RASGRP1: variants seen among roughly 807,000 people sequenced by gnomAD.
RASGRP1 encodes RAS guanyl-releasing protein 1.
Under a neutral mutation model 95.1 loss-of-function variants are expected in RASGRP1, and 37 were observed. The observed-to-expected ratio is 0.39, with a 90% CI of 0.30 to 0.51. The LOEUF is 0.51. RASGRP1 is among the 20% of genes least tolerant of loss of function. The probability of loss-of-function intolerance (pLI) is 0.80; values close to 1 mark genes in which losing one functional copy is unlikely to be tolerated. For missense variants in RASGRP1, 711 were observed against 965.4 expected (o/e 0.74, Z 3.49); for synonymous variants, 325 against 353.4 (o/e 0.92, Z 0.90).
intron 1 of RASGRP1, among the ~76,000 whole-genome samples, chr15:38,562,764 T>A (rs999706057): frequency 3.3e-5 from 5 of 152,112 alleles, no homozygotes; most frequent in Admixed American, 6.5e-5. Context: ...AAAATTCCAT[T>A]TTCTTTCTTG....
Position 38,494,695 on chromosome 15 carries a change from G to A in RASGRP1, c.1946C>T (p.Thr649Ile). 1.3e-6 allele frequency: 2 copies of A among 1,528,718 alleles called. No individual in the cohort carries two copies. Among genetic ancestry groups the A allele is most frequent in the South Asian group, 1.3e-5 (1 of 75,512 alleles). The allele number at this position is 1,528,718 out of a possible 1,614,324, so 94.7% of individuals were successfully genotyped here. A position where few individuals can be genotyped will look rare whatever the true frequency, so the allele number is the denominator to read the frequency against. The part of the protein sequence containing the change: ...VEHGEESKDR[T>I]IMLMGVSSQK... The stretch of plus-strand genomic sequence containing the variant: ...TGAGGACACTCCCATCAGCATGATG[G>A]TCCGATCCTTACTCTCCTCACCATG... The change falls in exon 16 of 17, where the codon ACC becomes ATC. Residue 649 changes from threonine (T) to isoleucine (I), a missense_variant. By Grantham distance (89) the Thr-to-Ile change is moderately conservative (BLOSUM62 -1). Transcript: ENST00000310803.
chr15:38,502,584 G>C (rs1891078334), intron 11 of RASGRP1, among the ~76,000 whole-genome samples, 163 bp from the exon 12 acceptor site: 1 of 152,218 alleles, frequency 6.6e-6, no homozygotes, highest in African/African-American at 2.4e-5. Flanking sequence ...GATGTGGCAG[G>C]TCACATCTCA....
intron 3 of RASGRP1, among the ~76,000 whole-genome samples, 170 bp downstream of exon 3, chr15:38,526,129 T>C (rs976252324): frequency 1.3e-5 from 2 of 152,106 alleles, no homozygotes; most frequent in Non-Finnish European, 1.5e-5. Flanking sequence ...CAACAGAGGA[T>C]ACATGAACAC....
intron 1 of RASGRP1, among the ~76,000 whole-genome samples, chr15:38,564,227 T>G (rs1209990457): frequency 9.2e-5 from 14 of 152,016 alleles, no homozygotes; most frequent in Admixed American, 9.2e-4. Context: ...CCCCAGCAGG[T>G]GCGGGCAGCG....
At chr15:38,543,648 C>A (rs868224052) in intron 2 of RASGRP1, among the ~76,000 whole-genome samples, 1 of 49,510 alleles carries the variant, frequency 2.0e-5, no homozygotes, top group African/African-American at 5.2e-5. Flanking sequence ...TTCTTTTTTT[C>A]TTTTTTTTTT....
chr15:38,550,194 G>T (rs185051421), intron 2 of RASGRP1, among the ~76,000 whole-genome samples: 43 of 143,038 alleles, frequency 3.0e-4, no homozygotes, highest in African/African-American at 1.1e-3. Context: ...AGGTTGCAGT[G>T]AGCCCAGATC....
chr15:38,525,147 T>A (rs556422368), intron 3 of RASGRP1, among the ~76,000 whole-genome samples: 41 of 152,034 alleles, frequency 2.7e-4, no homozygotes, highest in South Asian at 2.1e-3. Context: ...TTCATATTTT[T>A]AGTAGAGATG....
intron 16 of RASGRP1, among the ~76,000 whole-genome samples, chr15:38,492,863 G>A (rs956685523): frequency 7.9e-5 from 12 of 150,988 alleles, no homozygotes; most frequent in African/African-American, 2.4e-4. Context: ...TGCTGTTCCC[G>A]TCTCCTACTC....
intron 15 of RASGRP1, 80 bp downstream of exon 15, chr15:38,498,714 C>A: frequency 6.6e-7 from 1 of 1,522,026 alleles, no homozygotes; most frequent in South Asian, 1.3e-5. Context: ...AACACAGAGT[C>A]ATGAGGTAAT....
At chr15:38,540,487 C>T (rs1245827983) in intron 2 of RASGRP1, among the ~76,000 whole-genome samples, 2 of 151,990 alleles carry the variant, frequency 1.3e-5, no homozygotes, top group Non-Finnish European at 2.9e-5. Context: ...ATTTGTATCC[C>T]CAGGATCTGC....
intron 1 of RASGRP1, 97 bp downstream of exon 1, chr15:38,564,497 C>A: frequency 8.4e-7 from 1 of 1,190,638 alleles, no homozygotes. Flanking sequence ...CCCCCCTCCG[C>A]CCTCAACTTC....
At chr15:38,554,382 T>G (rs1029905128) in intron 2 of RASGRP1, among the ~76,000 whole-genome samples, 23 of 152,222 alleles carry the variant, frequency 1.5e-4, no homozygotes, top group African/African-American at 5.3e-4. Flanking sequence ...GTTAAACTAC[T>G]GTCTGTCTCC....
intron 8 of RASGRP1, among the ~76,000 whole-genome samples, chr15:38,510,793 T>G (rs967611323): frequency 6.6e-6 from 1 of 152,154 alleles, no homozygotes; most frequent in Non-Finnish European, 1.5e-5. Flanking sequence ...GACCCTTATC[T>G]CTACAAAAAT....
chr15:38,494,598 A>T lies in RASGRP1; in HGVS notation c.2043T>A (p.Ile681=). The part of the protein sequence containing the change: ...KATQTESQPW[I]GSEGPSGPFV... ...AGGGACCTGAAGGGCCCTCACTGCC[A>T]ATCCAAGGCTGTGATTCAGTCTGGG... Residue 681 remains isoleucine, a synonymous_variant, in exon 16 of 17, where the codon ATT becomes ATA. Coordinates refer to ENST00000310803, the MANE Select transcript of RASGRP1 (RefSeq NM_005739.4). The T allele has an allele frequency of 6.4e-7, 1 of 1,559,080 alleles. No individual in the cohort carries two copies. The highest frequency in any genetic ancestry group is 1.7e-4 in the Middle Eastern group (1 of 5,866).
chr15:38,507,535 TTAA>T (rs1413686991), intron 9 of RASGRP1, among the ~76,000 whole-genome samples, 188 bp downstream of exon 9: 1 of 152,204 alleles, frequency 6.6e-6, no homozygotes, highest in African/African-American at 2.4e-5. Context: ...GCTCTGCTAC[TTAA>T]TAATGTGTGG....
chr15:38,522,868 C>T (rs1892054631), intron 3 of RASGRP1, among the ~76,000 whole-genome samples: 1 of 152,144 alleles, frequency 6.6e-6, no homozygotes, highest in African/African-American at 2.4e-5. Context: ...TGCAGAGGCT[C>T]AGAAACAATG....
At chr15:38,514,283 A>G (rs566105561) in intron 6 of RASGRP1, among the ~76,000 whole-genome samples, 5 of 152,264 alleles carry the variant, frequency 3.3e-5, no homozygotes, top group African/African-American at 1.2e-4. Flanking sequence ...TAGGACCAAA[A>G]TCGCTCCTTA....
chr15:38,556,315 G>T (rs948865605), intron 2 of RASGRP1, among the ~76,000 whole-genome samples: 7 of 152,196 alleles, frequency 4.6e-5, no homozygotes, highest in African/African-American at 1.7e-4. Flanking sequence ...GACACTGAGA[G>T]GCTTGCTAGA....
chr15:38,531,257 C>A (rs571597292), intron 2 of RASGRP1, among the ~76,000 whole-genome samples: 1 of 152,180 alleles, frequency 6.6e-6, no homozygotes, highest in Non-Finnish European at 1.5e-5. Flanking sequence ...GGAGCTGGGA[C>A]CTGGCCCAAG....
Sources: allele counts gnomAD v4.1 joint callset (sites outside exome capture counted in the v4.1 genomes callset), GRCh38; gene constraint gnomAD v4.1.1; transcripts MANE v1.5; gene names NCBI Gene and HGNC (gene_info 2026-07-23, HGNC 2026-07-21).